CNTN1: variants seen among roughly 807,000 people sequenced by gnomAD.
CNTN1 encodes the protein contactin 1.
CNTN1 carries 38 observed loss-of-function variants against 126.4 expected under a neutral mutation model. That is an observed-to-expected ratio of 0.30 (90% CI 0.23 to 0.39). The LOEUF (loss-of-function observed/expected upper bound fraction) is 0.39, where lower values mean the gene tolerates loss of function less well. CNTN1 is among the 10% of genes least tolerant of loss of function. The pLI, the probability that CNTN1 is intolerant of heterozygous loss-of-function variation, is 1.00. For synonymous variants in CNTN1, 413 were observed against 422.6 expected (o/e 0.98, Z 0.28); for missense variants, 1,009 against 1,248.4 (o/e 0.81, Z 2.89).
chr12:41,055,670 T>C (rs1285739611), intron 23 of CNTN1, among the ~76,000 whole-genome samples: 1 of 152,148 alleles, frequency 6.6e-6, no homozygotes, highest in African/African-American at 2.4e-5. Context: ...TTTTTCCTGT[T>C]ATATTAAAAC....
chr12:40,828,087 C>G (rs1427800345), intron 1 of CNTN1: 2 of 152,172 alleles, frequency 1.3e-5, no homozygotes, highest in Non-Finnish European at 2.9e-5. Flanking sequence ...GCTATGTAGA[C>G]AGCCGGCTTT....
intron 1 of CNTN1, among the ~76,000 whole-genome samples, chr12:40,749,574 T>C (rs1332150585): frequency 2.1e-5 from 2 of 96,494 alleles, no homozygotes; most frequent in Admixed American, 1.0e-4. Context: ...AGGAACTATC[T>C]ATACAATGGT....
At chr12:40,789,069 G>A (rs1480652018) in intron 1 of CNTN1, among the ~76,000 whole-genome samples, 1 of 152,014 alleles carries the variant, frequency 6.6e-6, no homozygotes, top group Non-Finnish European at 1.5e-5. Flanking sequence ...ATAATTCCTT[G>A]CAGTTACATA....
chr12:40,873,908 C>T (rs1943586539), intron 1 of CNTN1, among the ~76,000 whole-genome samples: 1 of 152,088 alleles, frequency 6.6e-6, no homozygotes, highest in African/African-American at 2.4e-5. Context: ...CCCTTTAGTA[C>T]ATTACCTCTC....
chr12:40,756,573 T>C (rs530248930), intron 1 of CNTN1, among the ~76,000 whole-genome samples: 1 of 152,230 alleles, frequency 6.6e-6, no homozygotes, highest in South Asian at 2.1e-4. Context: ...CAGTACTGGA[T>C]GGTACCGTCA....
intron 1 of CNTN1, among the ~76,000 whole-genome samples, chr12:40,766,781 C>T (rs981474053): frequency 2.0e-5 from 3 of 152,150 alleles, no homozygotes. Flanking sequence ...TACATTTAAC[C>T]TGGAGACCAA....
At chr12:40,787,829 A>AT (rs1484478503) in intron 1 of CNTN1, among the ~76,000 whole-genome samples, 1 of 152,126 alleles carries the variant, frequency 6.6e-6, no homozygotes, top group Admixed American at 6.6e-5. Flanking sequence ...GGAATTTAAC[A>AT]TTTTGCTGAA....
At chr12:40,787,320 C>G (rs1940060860) in intron 1 of CNTN1, among the ~76,000 whole-genome samples, 1 of 152,068 alleles carries the variant, frequency 6.6e-6, no homozygotes, top group Non-Finnish European at 1.5e-5. Flanking sequence ...TGTTTAGCAC[C>G]AAATATGTGC....
rs12579819 is a variant in CNTN1, at chr12:40,829,638, A to T, written c.-76-78719A>T. Among the ~76,000 whole-genome samples, 8 of 152,276 alleles carry T rather than the reference A, an allele frequency of 5.3e-5. No individual in the cohort carries two copies. In the East Asian group the frequency reaches 1.5e-3, roughly 29 times the overall value. The stretch of plus-strand genomic sequence containing the variant: ...CCTGTTGTCCAGGTGTTGTGCACAG[A>T]ACTCCCAGCATTACAGAATGGTTTA... On this transcript the variant is annotated intron_variant, in intron 1 of 23. Coordinates refer to ENST00000551295, the MANE Select transcript of CNTN1 (RefSeq NM_001843.4).
chr12:40,776,626 ACTTC>A (rs1179559093), intron 1 of CNTN1, among the ~76,000 whole-genome samples: 1 of 151,638 alleles, frequency 6.6e-6, no homozygotes, highest in African/African-American at 2.4e-5. Flanking sequence ...CTCTATCCCT[ACTTC>A]CTTCTTTTCT....
intron 1 of CNTN1, among the ~76,000 whole-genome samples, chr12:40,830,329 A>G (rs1411317408): frequency 6.6e-6 from 1 of 152,106 alleles, no homozygotes; most frequent in African/African-American, 2.4e-5. Context: ...TGTTTGGTAT[A>G]TATGAGGCAC....
rs534879371 is a variant in CNTN1 at position 40,790,382 on chromosome 12, G to C, written c.-77+97790G>C. ...TGAGCTGTTACCACCTTTATGATATGATCACTTCATTCTACCAGAAGAGCT... is the reference window on the plus strand; with the variant it reads ...TGAGCTGTTACCACCTTTATGATATCATCACTTCATTCTACCAGAAGAGCT... On this transcript the variant is annotated intron_variant, in intron 1 of 23. Coordinates refer to ENST00000551295, the MANE Select transcript of CNTN1 (RefSeq NM_001843.4). Among the ~76,000 whole-genome samples the C allele has an allele frequency of 3.3e-5, 5 of 152,140 alleles. No individual in the cohort carries two copies. The South Asian group carries it at 1.0e-3, about 32-fold the overall frequency.
chr12:40,748,891 AT>A (rs1271127937), intron 1 of CNTN1, among the ~76,000 whole-genome samples: 9 of 152,246 alleles, frequency 5.9e-5, no homozygotes, highest in Non-Finnish European at 7.4e-5. Flanking sequence ...TAGTCTAAAA[AT>A]TTTAAGTGCG....
chr12:41,046,847 C>CTTTTTTTTTTTTTTTTTTTTTT (rs56655599), intron 23 of CNTN1, among the ~76,000 whole-genome samples: 4 of 118,994 alleles, frequency 3.4e-5, no homozygotes, highest in Non-Finnish European at 3.4e-5. Flanking sequence ...TTGCTTATTT[C>CTTTTTTTTTTTTTTTTTTTTTT]TTTTTTTTTT....
At chr12:40,908,615 G>C in intron 2 of CNTN1, 122 bp downstream of exon 2, 1 of 654,252 alleles carries the variant, frequency 1.5e-6, no homozygotes, top group Non-Finnish European at 2.6e-6. Flanking sequence ...CAGATAAGTA[G>C]ATAAATATGT....
intron 14 of CNTN1, among the ~76,000 whole-genome samples, chr12:40,951,792 T>C (rs1946698432): frequency 6.6e-6 from 1 of 151,672 alleles, no homozygotes; most frequent in South Asian, 2.1e-4. Context: ...GACCTCAATT[T>C]TTTGAGATTC....
In CNTN1 at chr12:41,027,915, C is replaced by T. The variant is rs754993870; in HGVS notation, c.2769C>T (p.Ile923=). 4 of 1,613,806 alleles carry T rather than the reference C, an allele frequency of 2.5e-6. No homozygotes were observed. The Admixed American group carries it at 6.7e-5, about 27-fold the overall frequency. ...SSVRSGSRYI[I]TWDHVVALSN... is the part of the protein sequence containing the mutation. Reference sequence around the variant, plus strand: ...TAAGGTCTGGTTCACGCTATATAATCACCTGGGATCATGTCGTTGCACTAT... The same window carrying T: ...TAAGGTCTGGTTCACGCTATATAATTACCTGGGATCATGTCGTTGCACTAT... The change falls in exon 22 of 24, where the codon ATC becomes ATT. Residue 923 remains isoleucine, a synonymous_variant. Transcript: ENST00000551295.
At chr12:40,697,422 CTT>C (rs1167161485) in intron 1 of CNTN1, among the ~76,000 whole-genome samples, 1 of 151,962 alleles carries the variant, frequency 6.6e-6, no homozygotes, top group Non-Finnish European at 1.5e-5. Flanking sequence ...TCATTTGACT[CTT>C]TATTGGAGTG....
intron 1 of CNTN1, among the ~76,000 whole-genome samples, chr12:40,844,205 C>A (rs1325517816): frequency 6.6e-6 from 1 of 151,370 alleles, no homozygotes; most frequent in Non-Finnish European, 1.5e-5. Context: ...GTAGCTGGGT[C>A]TACAGGCATG....
Sources: gnomAD v4.1 joint callset for allele counts (sites outside exome capture counted in the v4.1 genomes callset) on GRCh38, gnomAD v4.1.1 for gene constraint, MANE v1.5 for transcripts, NCBI Gene and HGNC (gene_info 2026-07-23, HGNC 2026-07-21) for gene names.